DNAH10: variants seen among roughly 807,000 people sequenced by gnomAD.
DNAH10 encodes the protein axonemal beta dynein heavy chain 10.
DNAH10 carries 348 observed loss-of-function variants against 506.6 expected under a neutral mutation model. The observed-to-expected ratio is 0.69, with a 90% CI of 0.63 to 0.75. The LOEUF (loss-of-function observed/expected upper bound fraction) is 0.75, where lower values mean the gene tolerates loss of function less well. Ranked by LOEUF, DNAH10 falls within the 30% of genes least tolerant of loss-of-function variation. DNAH10 has a pLI of 0.00. For missense variants in DNAH10, 5,179 were observed against 5,787.1 expected (o/e 0.89, Z 3.41); for synonymous variants, 2,059 against 2,198.6 (o/e 0.94, Z 1.78).
intron 43 of DNAH10, among the ~76,000 whole-genome samples, chr12:123,868,365 C>T (rs759551007): frequency 6.6e-6 from 1 of 152,202 alleles, no homozygotes; most frequent in South Asian, 2.1e-4. Context: ...CTTCTCTTGC[C>T]TCAGCTTAGG....
At chr12:123,803,104 C>G (rs181000578) in intron 16 of DNAH10, among the ~76,000 whole-genome samples, 1 of 152,078 alleles carries the variant, frequency 6.6e-6, no homozygotes, top group Non-Finnish European at 1.5e-5. Flanking sequence ...TCAATTTTTC[C>G]TTTAATGGGT....
At chr12:123,896,148 C>CACACATAGAG (rs1383690518) in intron 54 of DNAH10, among the ~76,000 whole-genome samples, 56 of 95,330 alleles carry the variant, frequency 5.9e-4, no homozygotes, top group Non-Finnish European at 8.8e-4. Flanking sequence ...CACACACACA[C>CACACATAGAG]AGAGAGAGAG....
chr12:123,902,529 G>GCT lies in DNAH10; in HGVS notation c.9641-407_9641-406dup, dbSNP rs1032316546. Among the ~76,000 whole-genome samples, 2 of 152,192 alleles carry GCT rather than the reference G, an allele frequency of 1.3e-5. No individual in the cohort carries two copies. The highest frequency in any genetic ancestry group is 4.8e-5 in the African/African-American group (2 of 41,438). On this transcript the variant is annotated intron_variant, in intron 56 of 78. Coordinates refer to ENST00000673944, the MANE Select transcript of DNAH10 (RefSeq NM_001372106.1). The surrounding 1 kb of genome is among the most constrained non-coding windows in gnomAD (Gnocchi z 4.5). ...AGAGGGGCAGGCTCCTTAGAGGGTG[G>GCT]CTCTGGCTGGGCCCGAGTGAGCGTA... is the stretch of plus-strand genomic sequence containing the variant.
intron 41 of DNAH10, 75 bp downstream of exon 41, chr12:123,866,148 GT>G: frequency 8.5e-7 from 1 of 1,172,124 alleles, no homozygotes; most frequent in Non-Finnish European, 1.1e-6. Flanking sequence ...CCAGAGGGAT[GT>G]TTGTAGTTGA....
rs773127612 is a variant in DNAH10, at chr12:123,868,066, C to T, written c.7466C>T (p.Ser2489Phe). 1.2e-6 allele frequency: 2 copies of T among 1,613,940 alleles called. No homozygotes were observed. Among genetic ancestry groups the T allele is most frequent in the Non-Finnish European group, 1.7e-6 (2 of 1,179,882 alleles). ...GACGAATATATCAAACGCCTTGCTT[C>T]TTTGTCTACTGTTGACACAGAAGGA... ...KFDEYIKRLA[S>F]LSTVDTEGVW... Residue 2489 changes from serine to phenylalanine, a missense_variant, in exon 43 of 79, where the codon TCT (serine) becomes TTT (phenylalanine). Transcript: ENST00000673944.
In DNAH10 at chr12:123,931,854, C is replaced by G. The variant is rs757225868; in HGVS notation, c.13128+7C>G. The G allele has an allele frequency of 6.2e-7, 1 of 1,613,806 alleles. No homozygotes were observed. Among genetic ancestry groups the G allele is most frequent in the East Asian group, 2.2e-5 (1 of 44,878 alleles). On this transcript the variant is annotated splice_region_variant and intron_variant, in intron 75 of 78. Coordinates refer to ENST00000673944, the MANE Select transcript of DNAH10 (RefSeq NM_001372106.1). ...TCTGGCTGAACTTCAAAGGGTGAGC[C>G]TGTCTCTCATGTGCAGATTACTGCC...
At chr12:123,830,297 T>C (rs1960404007) in intron 25 of DNAH10, among the ~76,000 whole-genome samples, 1 of 152,232 alleles carries the variant, frequency 6.6e-6, no homozygotes, top group South Asian at 2.1e-4. Flanking sequence ...GTGTATTTTA[T>C]GAGAAGGCCG....
intron 59 of DNAH10, among the ~76,000 whole-genome samples, chr12:123,912,804 A>G (rs769228164): frequency 5.3e-5 from 8 of 152,244 alleles, no homozygotes; most frequent in Non-Finnish European, 1.0e-4. Context: ...TCTATGGTAT[A>G]TTCTTCTGAG....
At chr12:123,900,466 G>A (rs1049765266) in intron 56 of DNAH10, among the ~76,000 whole-genome samples, 1 of 152,166 alleles carries the variant, frequency 6.6e-6, no homozygotes, top group Admixed American at 6.5e-5. Flanking sequence ...CTCCCCCGGT[G>A]CCCAGGCCAC....
chr12:123,767,665 G>C lies in DNAH10; in HGVS notation c.274G>C (p.Val92Leu). 6.2e-7 allele frequency: 1 copy of C among 1,612,116 alleles called. No individual in the cohort carries two copies. Among genetic ancestry groups the C allele is most frequent in the African/African-American group, 1.3e-5 (1 of 75,042 alleles). ...EEEEETYSQK[V>L]ESVDKVRAKR... ...GGAAGAAGAGACTTATTCTCAAAAA[G>C]TGGAGTCCGTGGATAAAGTGCGAGG... is the stretch of plus-strand genomic sequence containing the variant. The change falls in exon 2 of 79, where the codon GTG becomes CTG. Residue 92 changes from valine to leucine, a missense_variant. Physicochemically the swap from Val to Leu is conservative, Grantham distance 32 (BLOSUM62 1). Coordinates refer to ENST00000673944, the MANE Select transcript of DNAH10 (RefSeq NM_001372106.1).
At chr12:123,876,367 T>C (rs536877597) in intron 47 of DNAH10, among the ~76,000 whole-genome samples, 10 of 152,304 alleles carry the variant, frequency 6.6e-5, no homozygotes, top group African/African-American at 2.2e-4. Flanking sequence ...GTGCAGTGGC[T>C]CACGCCTGTA....
At position 123,930,583 on chromosome 12, in the gene DNAH10, C is replaced by T. The variant is rs555436952; in HGVS notation, c.12784+10C>T. 1.9e-6 allele frequency: 3 copies of T among 1,606,038 alleles called. No individual in the cohort carries two copies. The highest frequency in any genetic ancestry group is 4.5e-5 in the East Asian group (2 of 44,714). On this transcript the variant is annotated intron_variant, in intron 73 of 78. Coordinates refer to ENST00000673944, the MANE Select transcript of DNAH10 (RefSeq NM_001372106.1). ...AAGGAGAAATTTGTTGGTGAGATTT[C>T]TCAGACATGAAAAGATGTTTTCAAG...
chr12:123,817,731 T>C (rs2136391796), intron 21 of DNAH10, among the ~76,000 whole-genome samples: 1 of 152,336 alleles, frequency 6.6e-6, no homozygotes, highest in Non-Finnish European at 1.5e-5. Context: ...AACTGAGTTC[T>C]TAACAGCCTG....
rs761238780 is a variant in DNAH10, at chr12:123,887,138, G to A, written c.8824-4G>A. The A allele has an allele frequency of 3.0e-5, 48 of 1,601,334 alleles. 1 individual carries two copies. Among genetic ancestry groups the A allele is most frequent in the Admixed American group, 8.6e-5 (5 of 58,250 alleles). ...CGCCCATGTGCTCTGTGTCTGCATCGCAGGTGTTTGAGATCCTGCTGAGCC... is the reference window on the plus strand; with the variant it reads ...CGCCCATGTGCTCTGTGTCTGCATCACAGGTGTTTGAGATCCTGCTGAGCC... On this transcript the variant is annotated splice_region_variant and splice_polypyrimidine_tract_variant and intron_variant, in intron 51 of 78. Coordinates refer to ENST00000673944, the MANE Select transcript of DNAH10 (RefSeq NM_001372106.1).
chr12:123,820,178 G>T (rs373590066), intron 23 of DNAH10, among the ~76,000 whole-genome samples: 9 of 152,168 alleles, frequency 5.9e-5, no homozygotes. Flanking sequence ...GAGCAGGGAC[G>T]TAGTGACCTA....
chr12:123,780,942 C>CAAAAA (rs376709809), intron 5 of DNAH10, 138 bp from the exon 6 acceptor site: 116 of 333,930 alleles, frequency 3.5e-4, no homozygotes, highest in Middle Eastern at 1.7e-3. Context: ...GACTCTGTCT[C>CAAAAA]AAAAAAAAAA....
intron 20 of DNAH10, 54 bp from the exon 21 acceptor site, chr12:123,813,700 G>T: frequency 6.2e-7 from 1 of 1,612,422 alleles, no homozygotes; most frequent in Non-Finnish European, 8.5e-7. Context: ...CTTCATTTGC[G>T]CCATTACTGT....
intron 50 of DNAH10, among the ~76,000 whole-genome samples, chr12:123,880,914 C>A (rs891320235): frequency 1.3e-4 from 20 of 150,112 alleles, no homozygotes; most frequent in Admixed American, 5.4e-4. Context: ...GGTTTTCTGT[C>A]CTTGCAGTAG....
chr12:123,791,635 G>A (rs1958083609), intron 11 of DNAH10, among the ~76,000 whole-genome samples: 2 of 152,020 alleles, frequency 1.3e-5, no homozygotes, highest in Non-Finnish European at 2.9e-5. Context: ...AAAGTGCAGT[G>A]GTGTGATCCT....
Sources: gnomAD v4.1 joint callset for allele counts (sites outside exome capture counted in the v4.1 genomes callset) on GRCh38, gnomAD v4.1.1 for gene constraint, Gnocchi (gnomAD v3.1) non-coding constraint, MANE v1.5 for transcripts, NCBI Gene and HGNC (gene_info 2026-07-23, HGNC 2026-07-21) for gene names.